DUOX1: variants seen among roughly 807,000 people sequenced by gnomAD.
DUOX1 encodes dual oxidase 1.
A neutral mutation model predicts 181.8 loss-of-function variants in DUOX1; 134 were observed. The ratio of observed to expected loss-of-function variants is 0.74; its 90% CI spans 0.64 to 0.85. The LOEUF is 0.85. Ranked by LOEUF, DUOX1 falls within the 40% of genes least tolerant of loss-of-function variation. The probability of loss-of-function intolerance (pLI) is 0.00; values close to 1 mark genes in which losing one functional copy is unlikely to be tolerated. For synonymous variants in DUOX1, 798 were observed against 832.5 expected, an observed-to-expected ratio of 0.96 and a Z score of 0.71; for missense variants, 1,814 against 2,064.4, an observed-to-expected ratio of 0.88 and a Z score of 2.35.
intron 1 of DUOX1, among the ~76,000 whole-genome samples, chr15:45,130,583 G>T (rs1203025971): frequency 6.6e-6 from 1 of 152,194 alleles, no homozygotes; most frequent in Non-Finnish European, 1.5e-5. Context: ...CGCTGGCTCT[G>T]CCTGGGGCTT....
In DUOX1 at chr15:45,142,076, G is replaced by T. The variant is rs370633829; in HGVS notation, c.1786G>T (p.Gly596Trp). The part of the protein sequence containing the change: ...DYFEGSGFGF[G>W]VTIGTLCCFP... Reference sequence around the variant, plus strand: ...TTTTGAGGGCAGTGGATTTGGCTTCGGGGTCACCATCGGGACCCTCTGTTG... The same window carrying T: ...TTTTGAGGGCAGTGGATTTGGCTTCTGGGTCACCATCGGGACCCTCTGTTG... The change falls in exon 15 of 34, where the codon GGG becomes TGG. Residue 596 changes from glycine (G) to tryptophan (W), a missense_variant. Physicochemically the swap from Gly to Trp is radical, Grantham distance 184. This residue lies in a region of DUOX1 where 1,064 missense variants were observed against 1,152.9 expected (regional missense o/e 0.92). Transcript: ENST00000389037. 6.2e-7 allele frequency: 1 copy of T among 1,613,924 alleles called. No individual in the cohort carries two copies. The highest frequency in any genetic ancestry group is 1.1e-5 in the South Asian group (1 of 91,080).
At position 45,153,435 on chromosome 15, in the gene DUOX1, C is replaced by T. The variant is rs774440562; in HGVS notation, c.3480C>T (p.Leu1160=). Residue 1160 remains leucine, a synonymous_variant, in exon 26 of 34, where the codon CTC becomes CTT. Coordinates refer to ENST00000389037, the MANE Select transcript of DUOX1 (RefSeq NM_175940.3). ...VNVYLFSISP[L]SVLSCLFPGL... is the part of the protein sequence containing the mutation. ...TGTACCTGTTCTCCATCAGCCCCCTCAGCGTCCTCTCTTGCCTCTTTCCTG... is the reference window on the plus strand; with the variant it reads ...TGTACCTGTTCTCCATCAGCCCCCTTAGCGTCCTCTCTTGCCTCTTTCCTG... 1.9e-6 allele frequency: 3 copies of T among 1,613,826 alleles called. No homozygotes were observed. The highest frequency in any genetic ancestry group is 2.2e-5 in the East Asian group (1 of 44,866).
intron 18 of DUOX1, among the ~76,000 whole-genome samples, chr15:45,146,934 C>T (rs1402322962): frequency 2.0e-5 from 3 of 152,218 alleles, no homozygotes; most frequent in African/African-American, 7.2e-5. Context: ...GAAGCCTTGT[C>T]TTAGTTAAAA....
Position 45,136,567 on chromosome 15 carries a change from T to C in DUOX1, c.964T>C (p.Phe322Leu). 6.2e-7 allele frequency: 1 copy of C among 1,614,046 alleles called. No individual in the cohort carries two copies. The highest frequency in any genetic ancestry group is 8.5e-7 in the Non-Finnish European group (1 of 1,180,020). The change falls in exon 9 of 34, where the codon TTC becomes CTC. Residue 322 changes from phenylalanine (F) to leucine (L), a missense_variant. Coordinates refer to ENST00000389037, the MANE Select transcript of DUOX1 (RefSeq NM_175940.3). ...PFLDPSISSE[F>L]VAASEQFLST... ...TCTGGACCCCAGCATCTCCTCAGAG[T>C]TCGTGGCGGCCTCTGAGCAGTTCCT... is the stretch of plus-strand genomic sequence containing the variant.
At chr15:45,162,164 C>T in intron 30 of DUOX1, 55 bp from the exon 31 acceptor site, 6 of 1,567,170 alleles carry the variant, frequency 3.8e-6, no homozygotes, top group Non-Finnish European at 5.2e-6. Flanking sequence ...TCATTTCTGG[C>T]TTCCGATCTA....
At chr15:45,162,173 T>C in intron 30 of DUOX1, 46 bp from the exon 31 acceptor site, 2 of 1,576,522 alleles carry the variant, frequency 1.3e-6, no homozygotes, top group Non-Finnish European at 1.7e-6. Flanking sequence ...GCTTCCGATC[T>C]ATGGTGGTGG....
chr15:45,164,898 C>A lies in DUOX1; in HGVS notation c.4653C>A (p.Phe1551Leu). ...ACTTCTCCCACCATTATGAGAACTT[C>A]TAGGCCCCTGCCCGGGGGTTCTGCC... ...RTHFSHHYEN[F>L] is the part of the protein sequence containing the mutation. The change falls in exon 34 of 34, where the codon TTC (phenylalanine) becomes TTA (leucine). Residue 1551 changes from phenylalanine (F) to leucine (L), a missense_variant. Physicochemically the swap from Phe to Leu is conservative, Grantham distance 22. Around this residue, in one of 5 missense-constraint regions of DUOX1, gnomAD observed 124 missense variants for 125.7 expected, o/e 0.99. Transcript: ENST00000389037. 6.2e-7 allele frequency: 1 copy of A among 1,614,126 alleles called. No individual in the cohort carries two copies. The highest frequency in any genetic ancestry group is 2.2e-5 in the East Asian group (1 of 44,874).
intron 22 of DUOX1, 106 bp from the exon 23 acceptor site, chr15:45,151,017 A>G: frequency 1.3e-6 from 2 of 1,498,180 alleles, no homozygotes; most frequent in East Asian, 4.5e-5. Flanking sequence ...CCTTGCTGAC[A>G]GCTCTGATCC....
chr15:45,136,589 T>C lies in DUOX1; in HGVS notation c.986T>C (p.Phe329Ser), dbSNP rs566622588. 2.1e-5 allele frequency: 34 copies of C among 1,613,952 alleles called. 1 individual carries two copies. The highest frequency in any genetic ancestry group is 6.8e-6 in the Non-Finnish European group (8 of 1,180,028). Residue 329 changes from phenylalanine to serine, a missense_variant, in exon 9 of 34, where the codon TTC becomes TCC. By Grantham distance (155) the Phe-to-Ser change is radical. Coordinates refer to ENST00000389037, the MANE Select transcript of DUOX1 (RefSeq NM_175940.3). Reference protein sequence around the residue: ...SSEFVAASEQFLSTMVPPGVY... With the variant: ...SSEFVAASEQSLSTMVPPGVY... ...GAGTTCGTGGCGGCCTCTGAGCAGTTCCTGTCCACCATGGTGCCCCCTGGC... is the reference window on the plus strand; with the variant it reads ...GAGTTCGTGGCGGCCTCTGAGCAGTCCCTGTCCACCATGGTGCCCCCTGGC...
intron 27 of DUOX1, among the ~76,000 whole-genome samples, chr15:45,154,975 T>TAACA (rs760533947): frequency 6.6e-6 from 1 of 152,214 alleles, no homozygotes; most frequent in Non-Finnish European, 1.5e-5. Flanking sequence ...GGCCAGTCAC[T>TAACA]AACAGTGCCA....
intron 15 of DUOX1, among the ~76,000 whole-genome samples, chr15:45,142,681 C>T (rs560737510): frequency 1.1e-3 from 173 of 151,732 alleles, no homozygotes; most frequent in Non-Finnish European, 1.7e-3. Context: ...GCTTAGATCG[C>T]GCCATTGCAC....
Position 45,143,282 on chromosome 15 carries a change from A to G in DUOX1, c.1915A>G (p.Lys639Glu). The G allele has an allele frequency of 6.2e-7, 1 of 1,614,044 alleles. No homozygotes were observed. The highest frequency in any genetic ancestry group is 8.5e-7 in the Non-Finnish European group (1 of 1,179,986). ...GQDRQSIVSE[K>E]LVGGMEALEW... ...GGACCGCCAGAGCATCGTGTCTGAG[A>G]AGCTCGTGGGAGGCATGGAAGGTAG... The change falls in exon 16 of 34, where the codon AAG becomes GAG. Residue 639 changes from lysine (K) to glutamate (E), a missense_variant. Lys to Glu is a moderately conservative substitution (Grantham distance 56). Transcript: ENST00000389037.
chr15:45,136,272 A>G lies in DUOX1; in HGVS notation c.865-78A>G, dbSNP rs960504872. 2.5e-6 allele frequency: 4 copies of G among 1,604,642 alleles called. No homozygotes were observed. In the African/African-American group the frequency reaches 5.4e-5, roughly 21 times the overall value. ...TGGCTGGTCCTCATCTCCACACGGA[A>G]GCCGTCCTTGGGCTCAGACCCTTCC... is the stretch of plus-strand genomic sequence containing the variant. On this transcript the variant is annotated intron_variant, in intron 7 of 33. Transcript: ENST00000389037.
In DUOX1 at chr15:45,161,814, G is replaced by A; in HGVS notation, c.3933G>A (p.Leu1311=). The change falls in exon 30 of 34, where the codon CTG becomes CTA. Residue 1311 remains leucine (L), a synonymous_variant. Coordinates refer to ENST00000389037, the MANE Select transcript of DUOX1 (RefSeq NM_175940.3). ...GGCAGTGGGTGCGGATCGCTTGCCT[G>A]GCTCTGGGGACCACCGAGTACCACC... The part of the protein sequence containing the change: ...KSGQWVRIAC[L]ALGTTEYHPF... The A allele has an allele frequency of 6.2e-7, 1 of 1,613,544 alleles. No individual in the cohort carries two copies. Among genetic ancestry groups the A allele is most frequent in the Non-Finnish European group, 8.5e-7 (1 of 1,179,874 alleles).
chr15:45,132,472 A>G (rs557549257), intron 2 of DUOX1, among the ~76,000 whole-genome samples: 5 of 152,222 alleles, frequency 3.3e-5, no homozygotes, highest in Non-Finnish European at 5.9e-5. Context: ...ATCTTCCATA[A>G]GAGTTTCATG....
chr15:45,135,162 C>G lies in DUOX1; in HGVS notation c.366C>G (p.Phe122Leu). The change falls in exon 5 of 34, where the codon TTC becomes TTG. Residue 122 changes from phenylalanine (F) to leucine (L), a missense_variant. This residue lies in a region of DUOX1 where 320 missense variants were observed against 313.1 expected (regional missense o/e 1.02). Transcript: ENST00000389037. ...AAACTCCCGGCTGCCCCGCCGAGTT[C>G]CTCAACATTCGCATCCCGCCCGGAG... ...SVETPGCPAEFLNIRIPPGDP... is the reference protein window; with the variant it reads ...SVETPGCPAELLNIRIPPGDP... 2.5e-6 allele frequency: 4 copies of G among 1,613,804 alleles called. No individual in the cohort carries two copies. Among genetic ancestry groups the G allele is most frequent in the Non-Finnish European group, 3.4e-6 (4 of 1,179,920 alleles).
At chr15:45,139,754 C>T in intron 12 of DUOX1, 155 bp downstream of exon 12, 3 of 857,762 alleles carry the variant, frequency 3.5e-6, no homozygotes, top group Non-Finnish European at 5.2e-6. Flanking sequence ...TATTACATAT[C>T]AGGATGAAGA....
chr15:45,158,346 G>A (rs1016125420), intron 28 of DUOX1, among the ~76,000 whole-genome samples: 1 of 151,224 alleles, frequency 6.6e-6, no homozygotes, highest in Non-Finnish European at 1.5e-5. Flanking sequence ...GTAGGGAAAG[G>A]TTCAAGAATC....
chr15:45,158,802 A>C (rs143426913), intron 28 of DUOX1, among the ~76,000 whole-genome samples: 106 of 150,634 alleles, frequency 7.0e-4, no homozygotes, highest in Admixed American at 1.0e-3. Context: ...AGAAGGGGAG[A>C]CTCTAATCTC....
Sources: allele counts gnomAD v4.1 joint callset (sites outside exome capture counted in the v4.1 genomes callset), GRCh38; gene constraint gnomAD v4.1.1; regional missense constraint gnomAD v4.1.1; transcripts MANE v1.5; gene names NCBI Gene and HGNC (gene_info 2026-07-23, HGNC 2026-07-21).